IQUB: variants seen among roughly 807,000 people sequenced by gnomAD.
IQUB encodes IQ motif and ubiquitin-like domain-containing protein.
IQUB carries 86 observed loss-of-function variants against 86.4 expected under a neutral mutation model. The ratio of observed to expected loss-of-function variants is 1.00; its 90% CI spans 0.84 to 1.19. The LOEUF is 1.19. IQUB is among the 50% of genes most tolerant of loss of function. IQUB has a pLI of 0.00. For missense variants in IQUB, 946 were observed against 916.9 expected, an observed-to-expected ratio of 1.03 and a Z score of -0.41; for synonymous variants, 289 against 304.5, an observed-to-expected ratio of 0.95 and a Z score of 0.53.
intron 1 of IQUB, among the ~76,000 whole-genome samples, chr7:123,521,010 A>G (rs1372801900): frequency 6.6e-6 from 1 of 152,160 alleles, no homozygotes; most frequent in Non-Finnish European, 1.5e-5. Flanking sequence ...AAATTAGATC[A>G]GTCTGATTTG....
intron 1 of IQUB, among the ~76,000 whole-genome samples, chr7:123,515,680 T>C (rs1223559374): frequency 6.6e-6 from 1 of 152,172 alleles, no homozygotes; most frequent in Non-Finnish European, 1.5e-5. Flanking sequence ...AAAAATGGAA[T>C]TTCAAATCAC....
At chr7:123,520,711 G>C (rs985028707) in intron 1 of IQUB, among the ~76,000 whole-genome samples, 15 of 152,126 alleles carry the variant, frequency 9.9e-5, no homozygotes, top group African/African-American at 3.6e-4. Context: ...TAGGGGAGTG[G>C]GAAGCTGGTA....
At chr7:123,523,942 A>C (rs1375760840) in intron 1 of IQUB, among the ~76,000 whole-genome samples, 1 of 152,006 alleles carries the variant, frequency 6.6e-6, no homozygotes, top group Non-Finnish European at 1.5e-5. Flanking sequence ...TTTTCCCAGC[A>C]CCATTTATTA....
intron 1 of IQUB, among the ~76,000 whole-genome samples, chr7:123,520,451 A>C (rs910747961): frequency 2.6e-5 from 4 of 152,194 alleles, no homozygotes; most frequent in Non-Finnish European, 5.9e-5. Context: ...GGCAGAGCAG[A>C]GTGGCAAGTT....
chr7:123,487,076 C>G (rs12670386), intron 7 of IQUB, among the ~76,000 whole-genome samples: 63 of 151,988 alleles, frequency 4.1e-4, no homozygotes, highest in South Asian at 1.0e-3. Flanking sequence ...ATTCTCAAGA[C>G]AGTGAGTGAG....
chr7:123,453,056 CTA>C, intron 12 of IQUB, 131 bp from the exon 13 acceptor site: 1 of 670,798 alleles, frequency 1.5e-6, no homozygotes, highest in East Asian at 2.8e-5. Flanking sequence ...CTCACGTTGT[CTA>C]TCATCATTCA....
intron 3 of IQUB, among the ~76,000 whole-genome samples, chr7:123,506,290 G>A (rs904492241): frequency 6.6e-6 from 1 of 152,072 alleles, no homozygotes; most frequent in African/African-American, 2.4e-5. Flanking sequence ...CCAAACACCT[G>A]CCCATTACCC....
chr7:123,462,263 AAAGATC>A (rs1435633018), intron 10 of IQUB, among the ~76,000 whole-genome samples: 1 of 151,828 alleles, frequency 6.6e-6, no homozygotes, highest in Non-Finnish European at 1.5e-5. Context: ...CCATGAAAGT[AAAGATC>A]AAGCAGCAAC....
At chr7:123,482,641 C>T (rs1293873517) in intron 7 of IQUB, among the ~76,000 whole-genome samples, 1 of 152,014 alleles carries the variant, frequency 6.6e-6, no homozygotes, top group Admixed American at 6.6e-5. Flanking sequence ...AAAATTTCAG[C>T]AAGGGAAACT....
chr7:123,491,557 C>A (rs545865030), intron 7 of IQUB, among the ~76,000 whole-genome samples: 20 of 152,236 alleles, frequency 1.3e-4, no homozygotes, highest in South Asian at 8.3e-4. Flanking sequence ...TTATTAACAT[C>A]TTTATGCCAA....
intron 9 of IQUB, among the ~76,000 whole-genome samples, chr7:123,468,543 C>T (rs1308700955): frequency 2.3e-5 from 1 of 43,260 alleles, no homozygotes; most frequent in Non-Finnish European, 4.8e-5. Flanking sequence ...CCATCCAATA[C>T]GTGGTCAAAA....
chr7:123,530,019 C>A (rs957379199), intron 1 of IQUB, among the ~76,000 whole-genome samples: 2 of 147,558 alleles, frequency 1.4e-5, no homozygotes, highest in Non-Finnish European at 3.0e-5. Context: ...GCGACAGAGC[C>A]AGACTCCATC....
At chr7:123,462,781 A>G (rs1364898533) in intron 10 of IQUB, 2 of 454,110 alleles carry the variant, frequency 4.4e-6, no homozygotes, top group South Asian at 1.6e-5. Flanking sequence ...ACACGTCTCC[A>G]TTATAGATGG....
intron 8 of IQUB, among the ~76,000 whole-genome samples, chr7:123,472,169 T>G (rs1794551025): frequency 6.7e-6 from 1 of 149,446 alleles, no homozygotes; most frequent in Non-Finnish European, 1.5e-5. Flanking sequence ...ACCCAGGAGG[T>G]GGAAGTTGCA....
At position 123,483,375 on chromosome 7, in the gene IQUB, A is replaced by T. The variant is rs184177428; in HGVS notation, c.1235-3405T>A. On this transcript the variant is annotated intron_variant, in intron 7 of 12. Transcript: ENST00000324698. ...CTAAATCTTTCAGATGGAGATTATT[A>T]TTAGATTATGAGAATAATGAAGCTT... Among the ~76,000 whole-genome samples the T allele has an allele frequency of 2.6e-3, 392 of 152,238 alleles. 2 individuals are homozygous for T. The highest frequency in any genetic ancestry group is 2.9e-3 in the Non-Finnish European group (196 of 67,970).
chr7:123,490,964 T>TG (rs1283489919), intron 7 of IQUB, among the ~76,000 whole-genome samples: 2 of 140,606 alleles, frequency 1.4e-5, no homozygotes, highest in African/African-American at 5.1e-5. Context: ...AACACCATCT[T>TG]GGAAAAAAAA....
Position 123,461,451 on chromosome 7 carries a change from C to A in IQUB, c.1913G>T (p.Arg638Leu). The change falls in exon 11 of 13, where the codon CGA (arginine) becomes CTA (leucine). Residue 638 changes from arginine (R) to leucine (L), a missense_variant. Transcript: ENST00000324698. ...ACATTTGTACTTCAAAAATGATTCTCGTTTTTGAGCCTCATTCTGAAGGTT... is the reference window on the plus strand; with the variant it reads ...ACATTTGTACTTCAAAAATGATTCTAGTTTTTGAGCCTCATTCTGAAGGTT... ...CINLQNEAQKRESFLKYKCLL... is the reference protein window; with the variant it reads ...CINLQNEAQKLESFLKYKCLL... The A allele has an allele frequency of 1.9e-6, 3 of 1,612,270 alleles. No homozygotes were observed. The highest frequency in any genetic ancestry group is 2.5e-6 in the Non-Finnish European group (3 of 1,178,846).
At chr7:123,488,593 C>T (rs1795322039) in intron 7 of IQUB, among the ~76,000 whole-genome samples, 1 of 152,002 alleles carries the variant, frequency 6.6e-6, no homozygotes, top group South Asian at 2.1e-4. Context: ...GTCCCTACTC[C>T]CATCTTCCAC....
rs758626615 is a variant in IQUB, at chr7:123,509,948, G to A, written c.485C>T (p.Ser162Leu). 4.4e-6 allele frequency: 7 copies of A among 1,609,000 alleles called. No homozygotes were observed. In the East Asian group the frequency reaches 1.6e-4, roughly 36 times the overall value. ...AGAATGTGGGATACCTAATAAGTGT[G>A]AAAAATGGTCCTTAAGATATTTAAG... is the stretch of plus-strand genomic sequence containing the variant. ...TILKYLKDHF[S>L]HLLGIPHSVL... Residue 162 changes from serine to leucine, a missense_variant, in exon 3 of 13, where the codon TCA (serine) becomes TTA (leucine). Physicochemically the swap from Ser to Leu is moderately radical, Grantham distance 145 (BLOSUM62 -2). Transcript: ENST00000324698.
Sources: gnomAD v4.1 joint callset for allele counts (sites outside exome capture counted in the v4.1 genomes callset) on GRCh38, gnomAD v4.1.1 for gene constraint, MANE v1.5 for transcripts, NCBI Gene and HGNC (gene_info 2026-07-23, HGNC 2026-07-21) for gene names.